Variants in PTPRD observed in about 807,000 individuals in gnomAD.
PTPRD encodes the protein receptor-type tyrosine-protein phosphatase delta.
In PTPRD, 34 loss-of-function variants were observed where a neutral mutation model predicts 214.5. The observed-to-expected ratio is 0.16, with a 90% confidence interval of 0.12 to 0.21. The LOEUF (loss-of-function observed/expected upper bound fraction) is 0.21, where lower values mean the gene tolerates loss of function less well. Ranked by LOEUF, PTPRD falls within the 10% of genes least tolerant of loss-of-function variation. The pLI is 1.00. For synonymous variants in PTPRD, 1,128 were observed against 845.7 expected (o/e 1.33, Z -5.79); for missense variants, 2,545 against 2,398.7 (o/e 1.06, Z -1.27).
intron 8 of PTPRD, among the ~76,000 whole-genome samples, chr9:9,478,761 C>T (rs945154297): frequency 7.2e-5 from 11 of 152,162 alleles, no homozygotes; most frequent in African/African-American, 2.7e-4. Flanking sequence ...TTTTAAAACC[C>T]CAAATATTTC....
intron 2 of PTPRD, among the ~76,000 whole-genome samples, chr9:10,449,031 T>G (rs1027633613): frequency 1.3e-5 from 2 of 151,898 alleles, no homozygotes; most frequent in Admixed American, 1.3e-4. Context: ...TAAAGTATAA[T>G]AAAAAAAGAT....
chr9:8,314,470 A>G lies in PTPRD; in HGVS notation c.*3404T>C, dbSNP rs547188452. 101 of 231,542 alleles carry G rather than the reference A, an allele frequency of 4.4e-4. No individual in the cohort carries two copies. The highest frequency in any genetic ancestry group is 2.1e-3 in the African/African-American group (96 of 45,302). 14.3% of individuals were successfully genotyped at this position (231,542 alleles called of 1,614,324 possible). A position where few individuals can be genotyped will look rare whatever the true frequency, so the allele number is the denominator to read the frequency against. On this transcript the variant is annotated 3_prime_UTR_variant, in exon 46 of 46. Coordinates refer to ENST00000381196, the MANE Select transcript of PTPRD (RefSeq NM_002839.4). ...GTTATTTGTTTTAATTTTTCAGTCT[A>G]TGCATCCAAAACGAGAGCAAAGAAC...
intron 8 of PTPRD, among the ~76,000 whole-genome samples, chr9:9,558,735 T>C (rs1030830814): frequency 6.6e-6 from 1 of 152,190 alleles, no homozygotes; most frequent in African/African-American, 2.4e-5. Context: ...TTAAACCATA[T>C]GTTATCAGTA....
At chr9:9,037,459 A>T (rs939489819) in intron 10 of PTPRD, among the ~76,000 whole-genome samples, 11 of 152,108 alleles carry the variant, frequency 7.2e-5, no homozygotes, top group Non-Finnish European at 1.6e-4. Context: ...CAGCAGTACT[A>T]AGCTTTATAA....
intron 11 of PTPRD, among the ~76,000 whole-genome samples, chr9:9,008,739 C>T (rs1464452910): frequency 7.2e-5 from 11 of 152,156 alleles, no homozygotes; most frequent in East Asian, 5.8e-4. Flanking sequence ...ATTTTTAATT[C>T]GTCTCCTTAG....
chr9:9,583,998 T>G (rs1207412071), intron 7 of PTPRD, among the ~76,000 whole-genome samples: 2 of 152,204 alleles, frequency 1.3e-5, no homozygotes, highest in African/African-American at 2.4e-5. Flanking sequence ...AGGCAGAAGC[T>G]AAGTATACAG....
At chr9:9,138,388 T>C (rs1181851744) in intron 10 of PTPRD, among the ~76,000 whole-genome samples, 1 of 152,148 alleles carries the variant, frequency 6.6e-6, no homozygotes, top group African/African-American at 2.4e-5. Flanking sequence ...CAATTATTAT[T>C]ATCATTATTG....
chr9:10,129,578 T>C (rs1301895217), intron 3 of PTPRD, among the ~76,000 whole-genome samples: 10 of 149,866 alleles, frequency 6.7e-5, no homozygotes, highest in East Asian at 2.0e-4. Flanking sequence ...TCACCTACTA[T>C]CAAGAAATCA....
chr9:10,106,576 G>C (rs993927639), intron 3 of PTPRD, among the ~76,000 whole-genome samples: 3 of 151,812 alleles, frequency 2.0e-5, no homozygotes, highest in Non-Finnish European at 2.9e-5. Context: ...ATTTATCTCA[G>C]CCTCTAACAA....
At chr9:10,155,821 T>A (rs911823752) in intron 3 of PTPRD, among the ~76,000 whole-genome samples, 2 of 152,132 alleles carry the variant, frequency 1.3e-5, no homozygotes, top group Non-Finnish European at 2.9e-5. Flanking sequence ...ATAAGCTTTT[T>A]TAATGTGCTG....
intron 11 of PTPRD, among the ~76,000 whole-genome samples, chr9:8,811,750 G>A (rs751573100): frequency 3.2e-4 from 48 of 152,010 alleles, no homozygotes; most frequent in Admixed American, 9.8e-4. Flanking sequence ...GAAAAACAAC[G>A]CAGTCGTAAT....
intron 11 of PTPRD, among the ~76,000 whole-genome samples, chr9:8,803,779 G>A (rs956663037): frequency 1.3e-5 from 2 of 151,614 alleles, no homozygotes; most frequent in South Asian, 2.1e-4. Context: ...ATCATGTTTG[G>A]TAGTCCTATT....
At chr9:10,491,417 T>C (rs12348246) in intron 2 of PTPRD, among the ~76,000 whole-genome samples, 2,304 of 152,282 alleles carry the variant, frequency 0.015, 53 homozygotes, top group African/African-American at 0.052. Flanking sequence ...ATTTTCTGTA[T>C]TTTATAGTCT....
intron 10 of PTPRD, among the ~76,000 whole-genome samples, chr9:9,151,445 C>T (rs566444774): frequency 2.0e-5 from 3 of 152,156 alleles, no homozygotes; most frequent in East Asian, 3.9e-4. Context: ...AGGCTGCAGG[C>T]AGGCGTCTGG....
At chr9:8,739,825 C>T (rs1457163091) in intron 11 of PTPRD, among the ~76,000 whole-genome samples, 1 of 152,072 alleles carries the variant, frequency 6.6e-6, no homozygotes. Context: ...CTGTGCTGTT[C>T]CCATGATAGT....
intron 9 of PTPRD, among the ~76,000 whole-genome samples, chr9:9,307,034 G>T (rs1309879138): frequency 2.6e-5 from 4 of 152,146 alleles, no homozygotes; most frequent in Non-Finnish European, 4.4e-5. Context: ...CATTTGTTCA[G>T]CAATTACATG....
At chr9:9,054,069 C>A (rs1013046912) in intron 10 of PTPRD, among the ~76,000 whole-genome samples, 2 of 152,100 alleles carry the variant, frequency 1.3e-5, no homozygotes, top group African/African-American at 4.8e-5. Context: ...AGTCCCATAT[C>A]ATGTATTGAG....
chr9:9,775,654 G>A (rs189173634), intron 5 of PTPRD, among the ~76,000 whole-genome samples: 3 of 151,942 alleles, frequency 2.0e-5, no homozygotes, highest in South Asian at 2.1e-4. Context: ...ACTAAAAAGC[G>A]AATTCTTGGC....
At chr9:8,544,363 T>A (rs760635114) in intron 14 of PTPRD, among the ~76,000 whole-genome samples, 31 of 151,356 alleles carry the variant, frequency 2.0e-4, no homozygotes, top group Non-Finnish European at 3.4e-4. Flanking sequence ...ATTACAGGCA[T>A]GAGCCAACGC....
Sources: allele counts gnomAD v4.1 joint callset (sites outside exome capture counted in the v4.1 genomes callset), GRCh38; gene constraint gnomAD v4.1.1; transcripts MANE v1.5; gene names NCBI Gene and HGNC (gene_info 2026-07-23, HGNC 2026-07-21).